Variants in CDIN1 observed in about 807,000 individuals in gnomAD.
CDIN1 encodes the protein CDAN1 interacting nuclease 1, also known as CDAN1-interacting nuclease 1.
A neutral mutation model predicts 45.3 loss-of-function variants in CDIN1; 33 were observed. That is an observed-to-expected ratio of 0.73 (90% confidence interval 0.55 to 0.97). CDIN1 has a LOEUF of 0.97. Among genes scored for constraint, CDIN1 ranks in the 50% least tolerant of loss-of-function variants. The pLI is 0.00. For synonymous variants in CDIN1, 118 were observed against 124.4 expected (o/e 0.95, Z 0.34); for missense variants, 303 against 339.4 (o/e 0.89, Z 0.84).
At chr15:36,613,710 CG>C in intron 1 of CDIN1, 1 of 1,529,412 alleles carries the variant, frequency 6.5e-7, no homozygotes, top group East Asian at 2.3e-5. Context: ...CTAGAAGAAG[CG>C]GAAAAAGCTG....
intron 8 of CDIN1, among the ~76,000 whole-genome samples, chr15:36,703,682 T>G (rs1465472686): frequency 6.6e-6 from 1 of 152,094 alleles, no homozygotes; most frequent in African/African-American, 2.4e-5. Flanking sequence ...AATTGAATCC[T>G]TTGGTCCTGT....
chr15:36,793,069 A>C (rs111760966), intron 10 of CDIN1, among the ~76,000 whole-genome samples: 8 of 152,242 alleles, frequency 5.3e-5, no homozygotes, highest in African/African-American at 1.7e-4. Context: ...TTTGACTTCA[A>C]GACTGAACCC....
intron 3 of CDIN1, among the ~76,000 whole-genome samples, chr15:36,651,766 T>C (rs2040585370): frequency 6.6e-6 from 1 of 152,184 alleles, no homozygotes; most frequent in Non-Finnish European, 1.5e-5. Flanking sequence ...TTGGTTTCTT[T>C]ATATGACCAA....
chr15:36,688,795 T>C (rs1195583059), intron 5 of CDIN1, among the ~76,000 whole-genome samples: 1 of 152,218 alleles, frequency 6.6e-6, no homozygotes, highest in Non-Finnish European at 1.5e-5. Context: ...TGGCAGTTCC[T>C]AAGCTTCAGA....
chr15:36,729,564 T>C (rs2043766150), intron 10 of CDIN1, among the ~76,000 whole-genome samples: 2 of 152,230 alleles, frequency 1.3e-5, no homozygotes, highest in South Asian at 4.1e-4. Flanking sequence ...TTGTCATGAA[T>C]ACTCATAGGC....
intron 5 of CDIN1, chr15:36,691,268 A>G (rs781345057): frequency 2.0e-6 from 1 of 498,180 alleles, no homozygotes; most frequent in Non-Finnish European, 4.0e-6. Context: ...TAGTGAAGAC[A>G]GGTCAGATTC....
intron 10 of CDIN1, among the ~76,000 whole-genome samples, chr15:36,800,901 GTGTGTGTGTA>G (rs1327560913): frequency 8.9e-5 from 2 of 22,380 alleles, no homozygotes; most frequent in Admixed American, 7.9e-4. Context: ...GTGTGTGTGT[GTGTGTGTGTA>G]TATATATATA....
intron 5 of CDIN1, among the ~76,000 whole-genome samples, chr15:36,679,190 G>T (rs940782134): frequency 6.6e-6 from 1 of 152,114 alleles, no homozygotes; most frequent in Non-Finnish European, 1.5e-5. Flanking sequence ...GGGCTGGGGT[G>T]GGGGAGTGGG....
intron 10 of CDIN1, among the ~76,000 whole-genome samples, chr15:36,793,733 C>T (rs1224427518): frequency 2.0e-5 from 3 of 152,086 alleles, no homozygotes; most frequent in East Asian, 1.9e-4. Context: ...TGATAAAAAG[C>T]GGCTTCATTA....
chr15:36,645,519 TG>T (rs2040289312), intron 3 of CDIN1, among the ~76,000 whole-genome samples: 1 of 151,746 alleles, frequency 6.6e-6, no homozygotes, highest in Non-Finnish European at 1.5e-5. Context: ...TGTGTGTGTG[TG>T]TGTGTGTGTG....
intron 10 of CDIN1, chr15:36,734,451 G>A: frequency 2.7e-6 from 1 of 374,112 alleles, no homozygotes; most frequent in Non-Finnish European, 5.2e-6. Flanking sequence ...CAGTCCTAAA[G>A]CTTAATTAAC....
intron 5 of CDIN1, among the ~76,000 whole-genome samples, chr15:36,670,892 T>C (rs1277876677): frequency 6.6e-6 from 1 of 152,122 alleles, no homozygotes; most frequent in Non-Finnish European, 1.5e-5. Context: ...TTAGCATTTT[T>C]ATTTACATGA....
chr15:36,624,100 T>C (rs559580075), intron 1 of CDIN1, among the ~76,000 whole-genome samples: 4 of 152,168 alleles, frequency 2.6e-5, no homozygotes, highest in East Asian at 1.9e-4. Flanking sequence ...TTTATTAGAG[T>C]TCAACAGAAA....
At chr15:36,660,514 TA>T (rs1462966202) in intron 5 of CDIN1, among the ~76,000 whole-genome samples, 4 of 152,208 alleles carry the variant, frequency 2.6e-5, no homozygotes, top group Admixed American at 6.5e-5. Context: ...ATAAGCCATG[TA>T]ATTTTGATAA....
At chr15:36,768,382 C>G (rs2053980714) in intron 10 of CDIN1, among the ~76,000 whole-genome samples, 1 of 152,176 alleles carries the variant, frequency 6.6e-6, no homozygotes, top group Non-Finnish European at 1.5e-5. Flanking sequence ...TAATCCAGTG[C>G]CAACACTTGA....
intron 1 of CDIN1, among the ~76,000 whole-genome samples, chr15:36,584,682 C>T (rs952075012): frequency 2.6e-5 from 4 of 152,058 alleles, no homozygotes; most frequent in Non-Finnish European, 2.9e-5. Flanking sequence ...CATCCCAGCA[C>T]GGGACACGCT....
chr15:36,623,119 T>G (rs1324101776), intron 1 of CDIN1, among the ~76,000 whole-genome samples: 1 of 152,168 alleles, frequency 6.6e-6, no homozygotes, highest in East Asian at 1.9e-4. Flanking sequence ...AATTTTGTAT[T>G]TTTTGATTGG....
chr15:36,703,377 T>TACATATATCAGATAGATCTATCATATAC (rs2042734042), intron 8 of CDIN1, among the ~76,000 whole-genome samples: 1 of 27,006 alleles, frequency 3.7e-5, no homozygotes, highest in Non-Finnish European at 6.3e-5. Flanking sequence ...CTATCATATA[T>TACATATATCAGATAGATCTATCATATAC]ATATATATCA....
intron 10 of CDIN1, among the ~76,000 whole-genome samples, chr15:36,711,488 G>C (rs899880945): frequency 1.3e-5 from 2 of 152,138 alleles, no homozygotes; most frequent in East Asian, 3.8e-4. Context: ...TAGTCACCTA[G>C]ATGATAGATT....
Sources: gnomAD v4.1 joint callset for allele counts (sites outside exome capture counted in the v4.1 genomes callset) on GRCh38, gnomAD v4.1.1 for gene constraint, MANE v1.5 for transcripts, NCBI Gene and HGNC (gene_info 2026-07-23, HGNC 2026-07-21) for gene names.